The following CPLX3 variants were observed in gnomAD, a reference collection of about 807,000 sequenced individuals.
The protein encoded by CPLX3 is complexin-3.
A neutral mutation model predicts 17.2 loss-of-function variants in CPLX3; 12 were observed. The observed-to-expected ratio is 0.70, with a 90% confidence interval of 0.45 to 1.13. The LOEUF is 1.13. Ranked by LOEUF, CPLX3 falls within the 50% of genes most tolerant of loss-of-function variation. The pLI is 0.00. For missense variants in CPLX3, 172 were observed against 203.2 expected, an observed-to-expected ratio of 0.85 and a Z score of 0.93; for synonymous variants, 75 against 79.4, an observed-to-expected ratio of 0.94 and a Z score of 0.29.
chr15:74,826,915 C>T lies in CPLX3; in HGVS notation c.164+48C>T, dbSNP rs768172306. 7.8e-6 allele frequency: 12 copies of T among 1,532,630 alleles called. No individual in the cohort carries two copies. Among genetic ancestry groups the T allele is most frequent in the Admixed American group, 3.8e-5 (2 of 53,118 alleles). The allele number at this position is 1,532,630 out of a possible 1,614,324, so 94.9% of individuals were successfully genotyped here. On this transcript the variant is annotated intron_variant, in intron 1 of 2. Coordinates refer to ENST00000395018, the MANE Select transcript of CPLX3 (RefSeq NM_001030005.3). The surrounding 1 kb of genome is among the most constrained non-coding windows in gnomAD (Gnocchi z 5.0). ...TCCAACGACCTCCCCTCCCCACCCC[C>T]ACAGCTGCTCAGTCCATCCCCGGGC... is the stretch of plus-strand genomic sequence containing the variant.
chr15:74,829,823 G>T (rs2063959965), intron 2 of CPLX3, among the ~76,000 whole-genome samples: 1 of 152,170 alleles, frequency 6.6e-6, no homozygotes, highest in East Asian at 1.9e-4. Flanking sequence ...GCTTGATCCT[G>T]GGATGTGGGG....
intron 1 of CPLX3, 128 bp from the exon 2 acceptor site, chr15:74,827,906 G>A (rs975539161): frequency 3.3e-5 from 24 of 717,988 alleles, no homozygotes; most frequent in African/African-American, 1.4e-4. Context: ...GGGTTGGAGC[G>A]CTTTTGCTAC....
rs749066429 is a variant in CPLX3, at chr15:74,830,624, T to C, written c.*270T>C. 2.9e-5 allele frequency: 12 copies of C among 416,516 alleles called. No homozygotes were observed. The highest frequency in any genetic ancestry group is 4.0e-5 in the African/African-American group (2 of 49,948). The allele number at this position is 416,516 out of a possible 1,614,324, so 25.8% of individuals were successfully genotyped here. A position where few individuals can be genotyped will look rare whatever the true frequency, so the allele number is the denominator to read the frequency against. ...TTGTAGGAATAGGCCCATCCCTCTC[T>C]GGCCATGGCCCCAAGTTCCTGCACA... On this transcript the variant is annotated 3_prime_UTR_variant, in exon 3 of 3. Coordinates refer to ENST00000395018, the MANE Select transcript of CPLX3 (RefSeq NM_001030005.3).
chr15:74,829,860 G>C (rs2063960169), intron 2 of CPLX3, among the ~76,000 whole-genome samples: 1 of 152,030 alleles, frequency 6.6e-6, no homozygotes, highest in South Asian at 2.1e-4. Flanking sequence ...CTGGAACATG[G>C]GGCTCAAGAA....
rs368430383 is a variant in CPLX3 at position 74,830,365 on chromosome 15, G to C, written c.*11G>C. The C allele has an allele frequency of 1.0e-5, 16 of 1,606,748 alleles. No homozygotes were observed. The highest frequency in any genetic ancestry group is 1.3e-5 in the Non-Finnish European group (15 of 1,176,354). On this transcript the variant is annotated 3_prime_UTR_variant, in exon 3 of 3. Coordinates refer to ENST00000395018, the MANE Select transcript of CPLX3 (RefSeq NM_001030005.3). ...TGTCACGTCATGTGACCACTTCCCCGGGGTTACCCACTGGGCTGGGCCCCC... is the reference window on the plus strand; with the variant it reads ...TGTCACGTCATGTGACCACTTCCCCCGGGTTACCCACTGGGCTGGGCCCCC...
chr15:74,830,596 A>G lies in CPLX3; in HGVS notation c.*242A>G. ...CAGCTCAGCCTGTGGAGGCCTCCCA[A>G]GATTGTAGGAATAGGCCCATCCCTC... On this transcript the variant is annotated 3_prime_UTR_variant, in exon 3 of 3. Transcript: ENST00000395018. 1 of 510,910 alleles carries G rather than the reference A, an allele frequency of 2.0e-6. No individual in the cohort carries two copies. Among genetic ancestry groups the G allele is most frequent in the South Asian group, 2.2e-5 (1 of 45,114 alleles). The allele number at this position is 510,910 out of a possible 1,614,324, so 31.6% of individuals were successfully genotyped here. A position where few individuals can be genotyped will look rare whatever the true frequency, so the allele number is the denominator to read the frequency against.
intron 1 of CPLX3, 71 bp from the exon 2 acceptor site, chr15:74,827,963 G>A: frequency 7.8e-7 from 1 of 1,283,332 alleles, no homozygotes; most frequent in Non-Finnish European, 1.1e-6. Flanking sequence ...GACCCCTTCT[G>A]TCCCTCCCTC....
chr15:74,827,509 A>G (rs1004654820), intron 1 of CPLX3, among the ~76,000 whole-genome samples: 2 of 152,096 alleles, frequency 1.3e-5, no homozygotes, highest in Non-Finnish European at 2.9e-5. Context: ...ATGCCAATGC[A>G]TGTAAACTGT....
rs1467100744 is a variant in CPLX3 at position 74,830,114 on chromosome 15, C to T, written c.253-16C>T. 1 of 1,608,862 alleles carries T rather than the reference C, an allele frequency of 6.2e-7. No homozygotes were observed. The highest frequency in any genetic ancestry group is 8.5e-7 in the Non-Finnish European group (1 of 1,175,944). On this transcript the variant is annotated splice_polypyrimidine_tract_variant and intron_variant, in intron 2 of 2. Coordinates refer to ENST00000395018, the MANE Select transcript of CPLX3 (RefSeq NM_001030005.3). ...CTTCCACTCCACCCCACCCCCTCTT[C>T]CCCTCTTCCCTTCAGAACGAGACAG...
chr15:74,828,851 C>T (rs1408393054), intron 2 of CPLX3, among the ~76,000 whole-genome samples: 2 of 152,060 alleles, frequency 1.3e-5, no homozygotes, highest in Non-Finnish European at 2.9e-5. Context: ...GATCCCTGCC[C>T]CCACGCTCCC....
intron 2 of CPLX3, among the ~76,000 whole-genome samples, chr15:74,828,440 G>A (rs2063953716): frequency 6.6e-6 from 1 of 152,152 alleles, no homozygotes; most frequent in African/African-American, 2.4e-5. Flanking sequence ...CCTGGGCAGA[G>A]GAAGACACAG....
rs1022483567 is a variant in CPLX3 at position 74,826,721 on chromosome 15, G to A, written c.18G>A (p.Lys6=). The change falls in exon 1 of 3, where the codon AAG becomes AAA. Residue 6 remains lysine (K), a synonymous_variant. Transcript: ENST00000395018. This position sits in a 1 kb window ranked among gnomAD's most constrained non-coding sequence, Gnocchi z 5.0. ...CGAAGACCATGGCGTTCATGGTGAA[G>A]ACCATGGTGGGCGGCCAGCTGAAGA... MAFMV[K]TMVGGQLKNL... 6.2e-7 allele frequency: 1 copy of A among 1,611,232 alleles called. No homozygotes were observed. The highest frequency in any genetic ancestry group is 8.5e-7 in the Non-Finnish European group (1 of 1,178,802).
In CPLX3 at chr15:74,830,596, A is replaced by C. The variant is rs777556876; in HGVS notation, c.*242A>C. The C allele has an allele frequency of 7.8e-6, 4 of 510,792 alleles. No individual in the cohort carries two copies. The highest frequency in any genetic ancestry group is 1.4e-5 in the Non-Finnish European group (4 of 281,636). 31.6% of individuals were successfully genotyped at this position (510,792 alleles called of 1,614,324 possible). A position where few individuals can be genotyped will look rare whatever the true frequency, so the allele number is the denominator to read the frequency against. ...CAGCTCAGCCTGTGGAGGCCTCCCAAGATTGTAGGAATAGGCCCATCCCTC... is the reference window on the plus strand; with the variant it reads ...CAGCTCAGCCTGTGGAGGCCTCCCACGATTGTAGGAATAGGCCCATCCCTC... On this transcript the variant is annotated 3_prime_UTR_variant, in exon 3 of 3. Coordinates refer to ENST00000395018, the MANE Select transcript of CPLX3 (RefSeq NM_001030005.3).
Position 74,830,501 on chromosome 15 carries a change from C to T in CPLX3, c.*147C>T, listed in dbSNP as rs532691124. Reference sequence around the variant, plus strand: ...TTTCCCATCCATGCCCCAAGCCTATCTTCTGGTTTCTTCCTCTCCGCTGGG... The same window carrying T: ...TTTCCCATCCATGCCCCAAGCCTATTTTCTGGTTTCTTCCTCTCCGCTGGG... On this transcript the variant is annotated 3_prime_UTR_variant, in exon 3 of 3. Transcript: ENST00000395018. The T allele has an allele frequency of 5.4e-4, 352 of 655,926 alleles. 3 individuals carry two copies. The South Asian group carries it at 6.6e-3, about 12-fold the overall frequency. 40.6% of individuals were successfully genotyped at this position (655,926 alleles called of 1,614,324 possible).
In CPLX3 at chr15:74,830,317, A is replaced by T; in HGVS notation, c.440A>T (p.Asp147Val). ...LKDKAQATLG[D>V]LKQSAEKCHV... ...GACAAGGCCCAGGCCACACTGGGGGATCTCAAGCAATCAGCTGAGAAGTGT... is the reference window on the plus strand; with the variant it reads ...GACAAGGCCCAGGCCACACTGGGGGTTCTCAAGCAATCAGCTGAGAAGTGT... Residue 147 changes from aspartate (D) to valine (V), a missense_variant, in exon 3 of 3, where the codon GAT (aspartate) becomes GTT (valine). Asp to Val is a radical substitution (Grantham distance 152). Transcript: ENST00000395018. The T allele has an allele frequency of 1.2e-6, 2 of 1,613,704 alleles. No individual in the cohort carries two copies. The highest frequency in any genetic ancestry group is 1.7e-6 in the Non-Finnish European group (2 of 1,180,022).
intron 2 of CPLX3, 54 bp downstream of exon 2, chr15:74,828,175 G>A: frequency 6.9e-7 from 1 of 1,446,852 alleles, no homozygotes; most frequent in Non-Finnish European, 9.5e-7. Flanking sequence ...CTGGGTTCTG[G>A]ACTCCTTCGC....
intron 1 of CPLX3, among the ~76,000 whole-genome samples, chr15:74,827,555 A>C (rs2063949473): frequency 6.6e-6 from 1 of 152,224 alleles, no homozygotes; most frequent in Admixed American, 6.5e-5. Context: ...AAGTCTCATA[A>C]ATGATAGCTA....
chr15:74,827,360 A>G (rs2063948668), intron 1 of CPLX3, among the ~76,000 whole-genome samples: 2 of 152,214 alleles, frequency 1.3e-5, no homozygotes, highest in South Asian at 4.1e-4. Context: ...CTGCTAGGCT[A>G]CTTGGGTTCA....
At chr15:74,827,376 T>C (rs1209777314) in intron 1 of CPLX3, among the ~76,000 whole-genome samples, 2 of 152,252 alleles carry the variant, frequency 1.3e-5, no homozygotes, top group African/African-American at 4.8e-5. Flanking sequence ...GTTCAGAGCC[T>C]GGCTTTGCCT....
Sources: gnomAD v4.1 joint callset for allele counts (sites outside exome capture counted in the v4.1 genomes callset) on GRCh38, gnomAD v4.1.1 for gene constraint, Gnocchi (gnomAD v3.1) non-coding constraint, MANE v1.5 for transcripts, NCBI Gene and HGNC (gene_info 2026-07-23, HGNC 2026-07-21) for gene names.